The following GDAP2 variants were observed in gnomAD, a reference collection of about 807,000 sequenced individuals.
GDAP2 encodes the protein ganglioside-induced differentiation-associated protein 2.
A neutral mutation model predicts 67.0 loss-of-function variants in GDAP2; 51 were observed. That is an observed-to-expected ratio of 0.76 (90% CI 0.61 to 0.96). The LOEUF (loss-of-function observed/expected upper bound fraction) is 0.96, where lower values mean the gene tolerates loss of function less well. GDAP2 is among the 40% of genes least tolerant of loss of function. The probability of loss-of-function intolerance (pLI) is 0.00; values close to 1 mark genes in which losing one functional copy is unlikely to be tolerated. For missense variants in GDAP2, 547 were observed against 588.3 expected (o/e 0.93, Z 0.73); for synonymous variants, 203 against 207.3 (o/e 0.98, Z 0.18).
At chr1:117,892,372 C>A (rs1557800035) in intron 8 of GDAP2, among the ~76,000 whole-genome samples, 1 of 152,114 alleles carries the variant, frequency 6.6e-6, no homozygotes, top group Non-Finnish European at 1.5e-5. Flanking sequence ...CAGCACCTCA[C>A]TTTTTGCTAT....
At position 117,886,625 on chromosome 1, in the gene GDAP2, C is replaced by A; in HGVS notation, c.1059G>T (p.Met353Ile). The A allele has an allele frequency of 6.3e-7, 1 of 1,592,434 alleles. No individual in the cohort carries two copies. Among genetic ancestry groups the A allele is most frequent in the Admixed American group, 1.7e-5 (1 of 59,946 alleles). ...CAGGAATGTTTCTTCCAACTACCACCATCACTGTTCGACCACAGTTATCAA... is the reference window on the plus strand; with the variant it reads ...CAGGAATGTTTCTTCCAACTACCACAATCACTGTTCGACCACAGTTATCAA... ...TGVDNCGRTV[M>I]VVVGRNIPVT... Residue 353 changes from methionine to isoleucine, a missense_variant, in exon 10 of 14, where the codon ATG (methionine) becomes ATT (isoleucine). By Grantham distance (10) the Met-to-Ile change is conservative (BLOSUM62 1). Transcript: ENST00000369443.
intron 10 of GDAP2, 139 bp from the exon 11 acceptor site, chr1:117,883,766 A>G: frequency 3.6e-6 from 2 of 561,320 alleles, no homozygotes; most frequent in South Asian, 2.5e-5. Flanking sequence ...GATAACTCAG[A>G]GTGATGAATA....
chr1:117,896,510 A>C (rs1649270126), intron 8 of GDAP2: 1 of 189,578 alleles, frequency 5.3e-6, no homozygotes, highest in African/African-American at 2.3e-5. Flanking sequence ...AAGCTTTATA[A>C]CTGCCTTTCC....
chr1:117,878,134 TA>T lies in GDAP2; in HGVS notation c.1320del (p.Phe440LeufsTer9). The T allele has an allele frequency of 6.3e-7, 1 of 1,589,054 alleles. No individual in the cohort carries two copies. Among genetic ancestry groups the T allele is most frequent in the Non-Finnish European group, 8.6e-7 (1 of 1,163,650 alleles). On this transcript the variant is annotated frameshift_variant, in exon 13 of 14. Coordinates refer to ENST00000369443, the MANE Select transcript of GDAP2 (RefSeq NM_017686.4). LOFTEE classifies it high-confidence loss of function. ...TTCAGTCCTGAGACAGAAAAGGTGGTAAAAAACCATGTTGACACCTGATTAA... is the reference window on the plus strand; with the variant it reads ...TTCAGTCCTGAGACAGAAAAGGTGGTAAAAACCATGTTGACACCTGATTAA... Reference protein sequence around the residue: ...TFRSKVSTWFFTTFSVSGLKD... With the variant: ...TFRSKVSTWFXTTFSVSGLKD...
intron 13 of GDAP2, chr1:117,877,780 G>C: frequency 2.4e-6 from 3 of 1,243,172 alleles, no homozygotes; most frequent in South Asian, 6.8e-5. Flanking sequence ...ACTCACAGCA[G>C]AGAGATCTCC....
chr1:117,890,082 G>A (rs1649014700), intron 8 of GDAP2, among the ~76,000 whole-genome samples: 2 of 152,094 alleles, frequency 1.3e-5, no homozygotes, highest in South Asian at 2.1e-4. Context: ...ACATATTACA[G>A]TACGAAGAAA....
rs1420847460 is a variant in GDAP2, at chr1:117,890,871, A to G, written c.954-3097T>C. On this transcript the variant is annotated intron_variant, in intron 8 of 13. Transcript: ENST00000369443. The stretch of plus-strand genomic sequence containing the variant: ...CATTCATCCGTATCACTGGATTTCA[A>G]TGTCGTTGATTGATTTGGACAATCA... 3.9e-5 allele frequency among the ~76,000 whole-genome samples: 6 copies of G among 152,052 alleles called. No homozygotes were observed. In the South Asian group the frequency reaches 6.2e-4, roughly 16 times the overall value.
intron 1 of GDAP2, among the ~76,000 whole-genome samples, chr1:117,925,986 A>T (rs929125638): frequency 1.7e-4 from 26 of 152,200 alleles, no homozygotes; most frequent in African/African-American, 5.8e-4. Context: ...AGAGTGTTAC[A>T]ACATAAATTC....
intron 1 of GDAP2, among the ~76,000 whole-genome samples, chr1:117,926,968 T>G (rs1463216072): frequency 6.6e-6 from 1 of 151,494 alleles, no homozygotes; most frequent in Non-Finnish European, 1.5e-5. Context: ...CTCTGTACTT[T>G]TAATAAGTTC....
At chr1:117,876,580 C>T (rs1039874777) in intron 13 of GDAP2, among the ~76,000 whole-genome samples, 2 of 152,098 alleles carry the variant, frequency 1.3e-5, no homozygotes, top group African/African-American at 4.8e-5. Context: ...AAGAGATGAT[C>T]CAATGAGCCA....
rs1259611591 is a variant in GDAP2, at chr1:117,866,143, A to G, written c.*4426T>C. The G allele has an allele frequency of 6.6e-6, 1 of 152,210 alleles. No homozygotes were observed. Among genetic ancestry groups the G allele is most frequent in the Non-Finnish European group, 1.5e-5 (1 of 68,048 alleles). The allele number at this position is 152,210 out of a possible 1,614,324, so 9.4% of individuals were successfully genotyped here. On this transcript the variant is annotated 3_prime_UTR_variant, in exon 14 of 14. Coordinates refer to ENST00000369443, the MANE Select transcript of GDAP2 (RefSeq NM_017686.4). ...CATATGTTGAAGCCCTAACATACAA[A>G]GTGATGGCATTTGGAGGTGGGGCCT...
At chr1:117,872,935 T>A (rs1027050731) in intron 13 of GDAP2, among the ~76,000 whole-genome samples, 1 of 152,194 alleles carries the variant, frequency 6.6e-6, no homozygotes, top group African/African-American at 2.4e-5. Context: ...AAGCTATACT[T>A]ACAGAAACAT....
At chr1:117,907,391 C>G (rs771778671) in intron 5 of GDAP2, among the ~76,000 whole-genome samples, 1 of 152,114 alleles carries the variant, frequency 6.6e-6, no homozygotes, top group African/African-American at 2.4e-5. Flanking sequence ...GGAAAAGACC[C>G]AAATTACCTG....
intron 8 of GDAP2, among the ~76,000 whole-genome samples, chr1:117,889,356 A>AT (rs1648987778): frequency 6.6e-6 from 1 of 151,936 alleles, no homozygotes; most frequent in Admixed American, 6.6e-5. Flanking sequence ...TCTTTTATCA[A>AT]TTTTCGGGTA....
At chr1:117,905,686 C>T (rs552390727) in intron 6 of GDAP2, among the ~76,000 whole-genome samples, 1 of 152,108 alleles carries the variant, frequency 6.6e-6, no homozygotes. Flanking sequence ...ATATAGCAAA[C>T]CTGTTACATG....
At chr1:117,929,212 A>C (rs546989688) in intron 1 of GDAP2, among the ~76,000 whole-genome samples, 2 of 152,168 alleles carry the variant, frequency 1.3e-5, no homozygotes. Context: ...CACTGTTCCT[A>C]GTGCCCGCCG....
chr1:117,865,274 T>C lies in GDAP2; in HGVS notation c.*5295A>G, dbSNP rs964798154. 6.6e-6 allele frequency: 1 copy of C among 152,212 alleles called. No individual in the cohort carries two copies. Among genetic ancestry groups the C allele is most frequent in the African/African-American group, 2.4e-5 (1 of 41,452 alleles). 9.4% of individuals were successfully genotyped at this position (152,212 alleles called of 1,614,324 possible). ...AATAATGTCCCATCCTGGGGTTCAA[T>C]ATAAACACTATTATTTCACTATTGA... is the stretch of plus-strand genomic sequence containing the variant. On this transcript the variant is annotated 3_prime_UTR_variant, in exon 14 of 14. Transcript: ENST00000369443.
At chr1:117,907,391 C>T (rs771778671) in intron 5 of GDAP2, among the ~76,000 whole-genome samples, 1 of 152,114 alleles carries the variant, frequency 6.6e-6, no homozygotes, top group Non-Finnish European at 1.5e-5. Flanking sequence ...GGAAAAGACC[C>T]AAATTACCTG....
In GDAP2 at chr1:117,868,000, G is replaced by T. The variant is rs1387473780; in HGVS notation, c.*2569C>A. 1 of 152,160 alleles carries T rather than the reference G, an allele frequency of 6.6e-6. No homozygotes were observed. The highest frequency in any genetic ancestry group is 1.5e-5 in the Non-Finnish European group (1 of 68,042). 9.4% of individuals were successfully genotyped at this position (152,160 alleles called of 1,614,324 possible). On this transcript the variant is annotated 3_prime_UTR_variant, in exon 14 of 14. Transcript: ENST00000369443. ...CAACAATTCAATTAGCATTTGGCAT[G>T]ACCAAAGTTTAATTAAATTAAAGAC...
Sources: allele counts gnomAD v4.1 joint callset (sites outside exome capture counted in the v4.1 genomes callset), GRCh38; gene constraint gnomAD v4.1.1; transcripts MANE v1.5; gene names NCBI Gene and HGNC (gene_info 2026-07-23, HGNC 2026-07-21).